KANK1: variants seen among roughly 807,000 people sequenced by gnomAD.
The protein encoded by KANK1 is KN motif and ankyrin repeat domain-containing protein 1.
A neutral mutation model predicts 106.2 loss-of-function variants in KANK1; 109 were observed. The ratio of observed to expected loss-of-function variants is 1.03; its 90% confidence interval spans 0.88 to 1.20. The LOEUF (loss-of-function observed/expected upper bound fraction) is 1.20, where lower values mean the gene tolerates loss of function less well. Ranked by LOEUF, KANK1 falls within the 50% of genes most tolerant of loss-of-function variation. KANK1 has a pLI of 0.00. For synonymous variants in KANK1, 873 were observed against 652.2 expected (o/e 1.34, Z -5.16); for missense variants, 2,399 against 1,710.7 (o/e 1.40, Z -7.10).
In KANK1 at chr9:744,598, T is replaced by C. The variant is rs898370841; in HGVS notation, c.3996+9T>C. On this transcript the variant is annotated intron_variant, in intron 11 of 11. Coordinates refer to ENST00000382297, the MANE Select transcript of KANK1 (RefSeq NM_015158.5). Reference sequence around the variant, plus strand: ...CAAAAGCCCAGTCTCCGGTCAGTGTTGTGCATTTGGCATTTGTAAATAGGC... The same window carrying C: ...CAAAAGCCCAGTCTCCGGTCAGTGTCGTGCATTTGGCATTTGTAAATAGGC... 28 of 1,614,064 alleles carry C rather than the reference T, an allele frequency of 1.7e-5. No homozygotes were observed. In the African/African-American group the frequency reaches 2.9e-4, roughly 17 times the overall value.
intron 1 of KANK1, among the ~76,000 whole-genome samples, chr9:651,394 A>C (rs1840852702): frequency 6.6e-6 from 1 of 152,120 alleles, no homozygotes; most frequent in Non-Finnish European, 1.5e-5. Flanking sequence ...TTCTGCTTCC[A>C]TCATACTAAT....
chr9:536,599 C>T (rs1005833128), intron 1 of KANK1, among the ~76,000 whole-genome samples: 1 of 152,200 alleles, frequency 6.6e-6, no homozygotes, highest in African/African-American at 2.4e-5. Context: ...TCTGGCTCCT[C>T]TTATGTGATC....
At chr9:527,827 A>C (rs1366173038) in intron 1 of KANK1, among the ~76,000 whole-genome samples, 2 of 151,378 alleles carry the variant, frequency 1.3e-5, no homozygotes, top group Non-Finnish European at 2.9e-5. Flanking sequence ...AAAAAAAAAA[A>C]AATAGAGTTT....
intron 3 of KANK1, among the ~76,000 whole-genome samples, chr9:482,373 T>C (rs2058220375): frequency 6.6e-6 from 1 of 152,208 alleles, no homozygotes; most frequent in Non-Finnish European, 1.5e-5. Flanking sequence ...ACACCTTTGT[T>C]GGGGTACTAA....
At chr9:660,650 C>A (rs938373862) in intron 1 of KANK1, among the ~76,000 whole-genome samples, 3 of 152,138 alleles carry the variant, frequency 2.0e-5, no homozygotes, top group Non-Finnish European at 2.9e-5. Context: ...GAAGCTCCTC[C>A]GCTCTCCCTC....
chr9:607,873 T>C (rs1829620034), intron 1 of KANK1, among the ~76,000 whole-genome samples: 1 of 151,704 alleles, frequency 6.6e-6, no homozygotes, highest in African/African-American at 2.4e-5. Context: ...CTTAGCAACC[T>C]CCTTTCATGT....
intron 2 of KANK1, among the ~76,000 whole-genome samples, chr9:692,654 A>C (rs1382393251): frequency 6.6e-6 from 1 of 152,032 alleles, no homozygotes; most frequent in African/African-American, 2.4e-5. Context: ...ATAACACTAA[A>C]AATTCTCTTG....
intron 2 of KANK1, among the ~76,000 whole-genome samples, chr9:701,261 G>A (rs776629933): frequency 6.6e-6 from 1 of 152,156 alleles, no homozygotes; most frequent in Admixed American, 6.5e-5. Context: ...TTACAGGCAT[G>A]CACCACCATG....
intron 1 of KANK1, among the ~76,000 whole-genome samples, chr9:642,226 C>G (rs1838630806): frequency 7.0e-6 from 1 of 143,348 alleles, no homozygotes; most frequent in South Asian, 2.1e-4. Context: ...ACCTCTGTAT[C>G]ATAAAAGCAT....
At chr9:515,607 A>C (rs77162704) in intron 1 of KANK1, among the ~76,000 whole-genome samples, 3,433 of 151,824 alleles carry the variant, frequency 0.023, 234 homozygotes, top group South Asian at 0.11. Flanking sequence ...AACTTTTCTA[A>C]TTTGTTAACT....
chr9:582,408 A>G (rs1308895339), intron 1 of KANK1, among the ~76,000 whole-genome samples: 1 of 152,120 alleles, frequency 6.6e-6, no homozygotes, highest in Non-Finnish European at 1.5e-5. Flanking sequence ...TAATAAAAGT[A>G]TTTCCTTTTC....
rs548295166 is a variant in KANK1, at chr9:728,839, A to G, written c.2699-1212A>G. ...TTTTCAACCATTTGCCAATCAGAGTATCTTTGAATCTACCGAAGACCTGGA... is the reference window on the plus strand; with the variant it reads ...TTTTCAACCATTTGCCAATCAGAGTGTCTTTGAATCTACCGAAGACCTGGA... On this transcript the variant is annotated intron_variant, in intron 3 of 11. Transcript: ENST00000382297. 3.7e-4 allele frequency among the ~76,000 whole-genome samples: 56 copies of G among 152,328 alleles called. 1 individual carries two copies. The highest frequency in any genetic ancestry group is 1.3e-3 in the African/African-American group (55 of 41,578).
chr9:537,507 T>A (rs545823958), intron 1 of KANK1, among the ~76,000 whole-genome samples: 11 of 152,262 alleles, frequency 7.2e-5, no homozygotes, highest in African/African-American at 2.6e-4. Flanking sequence ...ACAAGTAATT[T>A]GGGGGGGCTC....
intron 1 of KANK1, among the ~76,000 whole-genome samples, chr9:651,842 A>C (rs952373576): frequency 1.3e-5 from 2 of 152,248 alleles, no homozygotes; most frequent in African/African-American, 4.8e-5. Context: ...GAGTTTTATA[A>C]AATATAAATT....
intron 8 of KANK1, among the ~76,000 whole-genome samples, chr9:740,206 A>C (rs1835032139): frequency 6.6e-6 from 1 of 152,196 alleles, no homozygotes; most frequent in African/African-American, 2.4e-5. Context: ...GGTCTGGTTC[A>C]TCGATTCTGT....
In KANK1 at chr9:712,711, G is replaced by C. The variant is rs1251156825; in HGVS notation, c.1945G>C (p.Gly649Arg). ...VCSPKECASR[G>R]VNTEAVSQVE... The stretch of plus-strand genomic sequence containing the variant: ...CTCTCCAAAGGAGTGCGCCTCCCGG[G>C]GCGTGAACACTGAGGCTGTTAGCCA... Residue 649 changes from glycine (G) to arginine (R), a missense_variant, in exon 3 of 12, where the codon GGC becomes CGC. Gly to Arg is a moderately radical substitution (Grantham distance 125, BLOSUM62 -2). Transcript: ENST00000382297. 2 of 1,614,014 alleles carry C rather than the reference G, an allele frequency of 1.2e-6. No individual in the cohort carries two copies. The highest frequency in any genetic ancestry group is 2.2e-5 in the East Asian group (1 of 44,868).
At chr9:518,169 A>G (rs1382313137) in intron 1 of KANK1, among the ~76,000 whole-genome samples, 4 of 151,832 alleles carry the variant, frequency 2.6e-5, no homozygotes, top group African/African-American at 4.9e-5. Flanking sequence ...AGGGGCTTGA[A>G]GTTTATATAG....
chr9:568,444 G>T (rs946528178), intron 1 of KANK1, among the ~76,000 whole-genome samples: 1 of 151,994 alleles, frequency 6.6e-6, no homozygotes, highest in African/African-American at 2.4e-5. Flanking sequence ...TAAGTCTGTG[G>T]GGTTTTTTTC....
At chr9:659,746 G>A (rs537171632) in intron 1 of KANK1, among the ~76,000 whole-genome samples, 5 of 152,004 alleles carry the variant, frequency 3.3e-5, no homozygotes, top group East Asian at 1.9e-4. Flanking sequence ...ACCAGTTCTC[G>A]GGGGAAGTCC....
Sources: gnomAD v4.1 joint callset for allele counts (sites outside exome capture counted in the v4.1 genomes callset) on GRCh38, gnomAD v4.1.1 for gene constraint, MANE v1.5 for transcripts, NCBI Gene and HGNC (gene_info 2026-07-23, HGNC 2026-07-21) for gene names.